UNC5C: variants seen among roughly 807,000 people sequenced by gnomAD.
UNC5C encodes unc-5 netrin receptor C, also known as netrin receptor UNC5C.
In UNC5C, 47 loss-of-function variants were observed where a neutral mutation model predicts 99.8. The ratio of observed to expected loss-of-function variants is 0.47; its 90% CI spans 0.37 to 0.60. The LOEUF is 0.60. UNC5C is among the 20% of genes least tolerant of loss of function. The probability of loss-of-function intolerance (pLI) is 0.00; values close to 1 mark genes in which losing one functional copy is unlikely to be tolerated. For missense variants in UNC5C, 1,062 were observed against 1,165.9 expected (o/e 0.91, Z 1.30); for synonymous variants, 487 against 452.2 (o/e 1.08, Z -0.98).
At chr4:95,422,097 C>A (rs902950011) in intron 1 of UNC5C, among the ~76,000 whole-genome samples, 1 of 152,212 alleles carries the variant, frequency 6.6e-6, no homozygotes, top group African/African-American at 2.4e-5. Flanking sequence ...TCACTGACGA[C>A]AACAAGCTGC....
chr4:95,297,033 G>T (rs955793288), intron 3 of UNC5C, among the ~76,000 whole-genome samples: 9 of 152,138 alleles, frequency 5.9e-5, no homozygotes, highest in African/African-American at 2.2e-4. Flanking sequence ...ACACATGCTG[G>T]TGGGGTAGGG....
chr4:95,193,998 C>T (rs1737270419), intron 12 of UNC5C, among the ~76,000 whole-genome samples: 1 of 152,192 alleles, frequency 6.6e-6, no homozygotes, highest in South Asian at 2.1e-4. Context: ...AATAACAAGG[C>T]TGGACTCTGG....
At chr4:95,484,398 T>G (rs1340708414) in intron 1 of UNC5C, among the ~76,000 whole-genome samples, 1 of 151,832 alleles carries the variant, frequency 6.6e-6, no homozygotes, top group Non-Finnish European at 1.5e-5. Context: ...CCCAGTAGTA[T>G]CCTGTTCCCA....
At chr4:95,337,081 A>T (rs1051428669) in intron 1 of UNC5C, among the ~76,000 whole-genome samples, 6 of 151,672 alleles carry the variant, frequency 4.0e-5, no homozygotes, top group African/African-American at 1.5e-4. Context: ...GTCTTAACCA[A>T]TTTTTTTTCT....
intron 1 of UNC5C, among the ~76,000 whole-genome samples, chr4:95,455,251 T>A (rs535507565): frequency 7.8e-4 from 119 of 152,250 alleles, no homozygotes; most frequent in African/African-American, 2.3e-3. Flanking sequence ...ACTTCAGGAA[T>A]TCTTTCCCAT....
At chr4:95,524,748 C>G (rs576447330) in intron 1 of UNC5C, among the ~76,000 whole-genome samples, 7 of 152,252 alleles carry the variant, frequency 4.6e-5, no homozygotes, top group African/African-American at 1.7e-4. Flanking sequence ...GCATAAGACT[C>G]AGAGGCATGC....
At chr4:95,278,155 T>G in intron 4 of UNC5C, 104 bp downstream of exon 4, 1 of 932,250 alleles carries the variant, frequency 1.1e-6, no homozygotes, top group Admixed American at 1.9e-5. Flanking sequence ...TACCAACCAT[T>G]CATCATGCCA....
At chr4:95,218,654 G>A (rs1042002861) in intron 9 of UNC5C, among the ~76,000 whole-genome samples, 4 of 152,148 alleles carry the variant, frequency 2.6e-5, no homozygotes, top group Non-Finnish European at 5.9e-5. Flanking sequence ...GACAACATTA[G>A]GACTTGTGGC....
At chr4:95,186,500 C>T (rs910262044) in intron 12 of UNC5C, among the ~76,000 whole-genome samples, 4 of 152,152 alleles carry the variant, frequency 2.6e-5, no homozygotes, top group Non-Finnish European at 5.9e-5. Flanking sequence ...GTGGCTACCA[C>T]GATCATTGAT....
chr4:95,430,852 C>G (rs918569081), intron 1 of UNC5C, among the ~76,000 whole-genome samples: 8 of 152,042 alleles, frequency 5.3e-5, no homozygotes, highest in Non-Finnish European at 1.0e-4. Flanking sequence ...GTGGTGAGCT[C>G]CACAGCTTAC....
intron 1 of UNC5C, among the ~76,000 whole-genome samples, chr4:95,383,888 C>T (rs888498689): frequency 3.9e-5 from 6 of 152,174 alleles, no homozygotes; most frequent in Non-Finnish European, 8.8e-5. Context: ...TGTAACCTTT[C>T]CATCTTAATT....
intron 10 of UNC5C, among the ~76,000 whole-genome samples, chr4:95,210,401 C>T (rs1243982207): frequency 6.6e-6 from 1 of 152,066 alleles, no homozygotes; most frequent in Non-Finnish European, 1.5e-5. Context: ...AGGAGTTACG[C>T]AGGATAAGAT....
At chr4:95,272,254 G>C (rs1024759994) in intron 4 of UNC5C, among the ~76,000 whole-genome samples, 2 of 152,082 alleles carry the variant, frequency 1.3e-5, no homozygotes, top group African/African-American at 4.8e-5. Context: ...AAAATGTCTG[G>C]CATACCATGC....
At chr4:95,316,169 T>C (rs1398428827) in intron 2 of UNC5C, among the ~76,000 whole-genome samples, 4 of 152,168 alleles carry the variant, frequency 2.6e-5, no homozygotes, top group Admixed American at 2.0e-4. Context: ...ACCTACTATA[T>C]ATGTACATGG....
Position 95,278,313 on chromosome 4 carries a change from C to A in UNC5C, c.540G>T (p.Leu180Phe). The A allele has an allele frequency of 6.2e-7, 1 of 1,614,116 alleles. No homozygotes were observed. Among genetic ancestry groups the A allele is most frequent in the Non-Finnish European group, 8.5e-7 (1 of 1,180,032 alleles). Residue 180 changes from leucine (L) to phenylalanine (F), a missense_variant, in exon 4 of 16, where the codon TTG becomes TTT. This residue lies in a region of UNC5C where 249 missense variants were observed against 295.1 expected (regional missense o/e 0.84). Transcript: ENST00000453304. ...GACACTGGAGTAAGACTTCCTGTTC[C>A]AAAGACACTTCCTTTCCTAGGGGTT... The part of the protein sequence containing the change: ...EQEPLGKEVS[L>F]EQEVLLQCRP...
At chr4:95,317,423 A>C (rs554219111) in intron 2 of UNC5C, among the ~76,000 whole-genome samples, 24 of 152,208 alleles carry the variant, frequency 1.6e-4, no homozygotes, top group Admixed American at 4.6e-4. Flanking sequence ...GCCAAGCAAA[A>C]ATAAGTGTGT....
chr4:95,185,522 C>A (rs987916949), intron 12 of UNC5C, among the ~76,000 whole-genome samples: 6 of 151,984 alleles, frequency 3.9e-5, no homozygotes, highest in African/African-American at 1.5e-4. Flanking sequence ...GAACTCAAAA[C>A]CAGAGAGCCA....
intron 1 of UNC5C, among the ~76,000 whole-genome samples, chr4:95,483,057 T>C (rs1295362525): frequency 8.3e-6 from 1 of 119,814 alleles, no homozygotes; most frequent in African/African-American, 2.9e-5. Flanking sequence ...ACACATGCAG[T>C]AATAAAAAAA....
chr4:95,306,666 T>C (rs1480993226), intron 2 of UNC5C, among the ~76,000 whole-genome samples: 1 of 152,220 alleles, frequency 6.6e-6, no homozygotes, highest in Non-Finnish European at 1.5e-5. Context: ...GTATTATGTA[T>C]GCCTGAGTTG....
Sources: gnomAD v4.1 joint callset for allele counts (sites outside exome capture counted in the v4.1 genomes callset) on GRCh38, gnomAD v4.1.1 for gene constraint, gnomAD v4.1.1 regional missense constraint, MANE v1.5 for transcripts, NCBI Gene and HGNC (gene_info 2026-07-23, HGNC 2026-07-21) for gene names.